DLG2: variants seen among roughly 807,000 people sequenced by gnomAD.
DLG2 encodes discs large MAGUK scaffold protein 2.
DLG2 carries 45 observed loss-of-function variants against 132.5 expected under a neutral mutation model. The ratio of observed to expected loss-of-function variants is 0.34; its 90% confidence interval spans 0.27 to 0.44. The LOEUF is 0.44. DLG2 is among the 20% of genes least tolerant of loss of function. DLG2 has a pLI of 1.00. For synonymous variants in DLG2, 424 were observed against 419.6 expected (o/e 1.01, Z -0.13); for missense variants, 1,045 against 1,196.9 (o/e 0.87, Z 1.87).
intron 9 of DLG2, among the ~76,000 whole-genome samples, chr11:84,155,548 C>A (rs981213814): frequency 6.6e-6 from 1 of 151,256 alleles, no homozygotes; most frequent in African/African-American, 2.4e-5. Flanking sequence ...AAGGGTCTGC[C>A]CCTGGAAATA....
At chr11:84,744,001 G>A (rs1469576589) in intron 6 of DLG2, among the ~76,000 whole-genome samples, 2 of 152,182 alleles carry the variant, frequency 1.3e-5, no homozygotes, top group Non-Finnish European at 2.9e-5. Flanking sequence ...TGGAATTACA[G>A]GCATGAGCCA....
At chr11:84,193,131 C>A (rs994678131) in intron 8 of DLG2, among the ~76,000 whole-genome samples, 3 of 152,160 alleles carry the variant, frequency 2.0e-5, no homozygotes. Context: ...ACTGGGATAT[C>A]TATTTGACAT....
chr11:83,795,492 A>G (rs1161944621), intron 17 of DLG2, among the ~76,000 whole-genome samples: 1 of 151,924 alleles, frequency 6.6e-6, no homozygotes, highest in African/African-American at 2.4e-5. Context: ...AATCATACAC[A>G]TATATATTCC....
chr11:84,399,961 T>C (rs1407791540), intron 7 of DLG2, among the ~76,000 whole-genome samples: 1 of 152,230 alleles, frequency 6.6e-6, no homozygotes, highest in East Asian at 1.9e-4. Context: ...AATATTTTGT[T>C]CCTTGCCTGT....
chr11:83,665,563 G>A (rs1208233954), intron 18 of DLG2, among the ~76,000 whole-genome samples: 1 of 152,146 alleles, frequency 6.6e-6, no homozygotes, highest in African/African-American at 2.4e-5. Flanking sequence ...TGTGATTCAA[G>A]GGTTAAGCAA....
intron 18 of DLG2, among the ~76,000 whole-genome samples, chr11:83,672,420 G>T (rs946550318): frequency 1.3e-5 from 2 of 152,012 alleles, no homozygotes; most frequent in African/African-American, 4.8e-5. Flanking sequence ...CAGGTGATCC[G>T]CCCACCTTGG....
At chr11:84,483,087 A>G (rs1462230217) in intron 7 of DLG2, among the ~76,000 whole-genome samples, 1 of 152,170 alleles carries the variant, frequency 6.6e-6, no homozygotes, top group Non-Finnish European at 1.5e-5. Flanking sequence ...ACAAATGGTC[A>G]TTATTCATTA....
intron 6 of DLG2, among the ~76,000 whole-genome samples, chr11:84,738,397 A>T (rs1382162559): frequency 6.6e-6 from 1 of 152,102 alleles, no homozygotes; most frequent in Non-Finnish European, 1.5e-5. Flanking sequence ...GATAAAATAA[A>T]TATTGCAAAG....
intron 7 of DLG2, among the ~76,000 whole-genome samples, chr11:84,363,535 T>C (rs1408993943): frequency 1.3e-5 from 2 of 151,976 alleles, no homozygotes; most frequent in African/African-American, 4.8e-5. Context: ...TTTGTCAATT[T>C]TGTCTTCTGT....
intron 3 of DLG2, among the ~76,000 whole-genome samples, chr11:85,322,180 G>C (rs1050513175): frequency 6.6e-6 from 1 of 151,872 alleles, no homozygotes; most frequent in Non-Finnish European, 1.5e-5. Flanking sequence ...TCTGTACTTT[G>C]ACTCCAGTGG....
intron 9 of DLG2, among the ~76,000 whole-genome samples, chr11:84,122,731 A>G (rs1446262943): frequency 6.6e-6 from 1 of 152,242 alleles, no homozygotes; most frequent in South Asian, 2.1e-4. Flanking sequence ...AATGAGGCAG[A>G]AAATTACATT....
chr11:85,466,813 G>A (rs1039237830), intron 3 of DLG2, among the ~76,000 whole-genome samples: 1 of 152,164 alleles, frequency 6.6e-6, no homozygotes, highest in Non-Finnish European at 1.5e-5. Context: ...GGTTCCATAT[G>A]AACTTTAAAG....
chr11:85,180,891 A>C (rs1464812554), intron 4 of DLG2, among the ~76,000 whole-genome samples: 2 of 151,834 alleles, frequency 1.3e-5, no homozygotes, highest in Non-Finnish European at 2.9e-5. Context: ...TTACTTGCCC[A>C]AAATTACACA....
intron 6 of DLG2, among the ~76,000 whole-genome samples, chr11:84,593,639 G>T (rs1379205511): frequency 1.3e-5 from 2 of 152,120 alleles, no homozygotes; most frequent in Non-Finnish European, 2.9e-5. Context: ...ACACATCAGG[G>T]CCTGTCAGGG....
chr11:83,917,690 T>C (rs1433215858), intron 15 of DLG2, among the ~76,000 whole-genome samples: 1 of 152,168 alleles, frequency 6.6e-6, no homozygotes, highest in South Asian at 2.1e-4. Context: ...TTCCATTAAA[T>C]GTGAACTCTT....
rs1239848370 is a variant in DLG2, at chr11:84,600,151, A to AGAAAGAAGGAAAGAAGGAAAGAAG, written c.358-65421_358-65420insCTTCTTTCCTTCTTTCCTTCTTTC. On this transcript the variant is annotated intron_variant, in intron 6 of 27. Transcript: ENST00000376104. ...GAGAAAGAAAGAAAGAAGGAAAGAA[A>AGAAAGAAGGAAAGAAGGAAAGAAG]GAAAGAAGGAAAGAAAGAAAGAAAG... 1.4e-3 allele frequency among the ~76,000 whole-genome samples: 158 copies of AGAAAGAAGGAAAGAAGGAAAGAAG among 109,960 alleles called. 1 individual carries two copies. Among genetic ancestry groups the AGAAAGAAGGAAAGAAGGAAAGAAG allele is most frequent in the African/African-American group, 4.3e-3 (117 of 27,374 alleles). The allele number at this position is 109,960 out of a possible 152,430, so 72.1% of individuals were successfully genotyped here.
chr11:85,420,302 G>A (rs1377252680), intron 3 of DLG2, among the ~76,000 whole-genome samples: 1 of 152,116 alleles, frequency 6.6e-6, no homozygotes, highest in East Asian at 1.9e-4. Context: ...TCCTTCCTCT[G>A]GAAGCTTCGT....
chr11:84,341,584 A>G (rs1270090192), intron 7 of DLG2, among the ~76,000 whole-genome samples: 2 of 152,244 alleles, frequency 1.3e-5, no homozygotes, highest in African/African-American at 4.8e-5. Context: ...AAAATTCCCC[A>G]CTATGTCCCA....
rs543904947 is a variant in DLG2 at position 83,742,707 on chromosome 11, C to G, written c.1825+43983G>C. ...AGCAGTAGTATTTACTGGGCACACA[C>G]TACATTTCAAACCTTCCCAAAATAC... On this transcript the variant is annotated intron_variant, in intron 18 of 27. Coordinates refer to ENST00000376104, the MANE Select transcript of DLG2 (RefSeq NM_001142699.3). Among the ~76,000 whole-genome samples, 335 of 152,292 alleles carry G rather than the reference C, an allele frequency of 2.2e-3. 1 individual carries two copies. The highest frequency in any genetic ancestry group is 7.8e-3 in the African/African-American group (324 of 41,562).
Sources: allele counts gnomAD v4.1 joint callset (sites outside exome capture counted in the v4.1 genomes callset), GRCh38; gene constraint gnomAD v4.1.1; transcripts MANE v1.5; gene names NCBI Gene and HGNC (gene_info 2026-07-23, HGNC 2026-07-21).